COL6A1: variants seen among roughly 807,000 people sequenced by gnomAD.
The protein encoded by COL6A1 is collagen type VI alpha 1 chain.
A neutral mutation model predicts 145.6 loss-of-function variants in COL6A1; 80 were observed. The ratio of observed to expected loss-of-function variants is 0.55; its 90% confidence interval spans 0.46 to 0.66. The LOEUF is 0.66. Among genes scored for constraint, COL6A1 ranks in the 30% least tolerant of loss-of-function variants. COL6A1 has a pLI of 0.00. For missense variants in COL6A1, 1,364 were observed against 1,473.8 expected (o/e 0.93, Z 1.22); for synonymous variants, 638 against 622.8 (o/e 1.02, Z -0.36).
Position 45,994,022 on chromosome 21 carries a change from G to T in COL6A1, c.1336-145G>T. On this transcript the variant is annotated intron_variant, in intron 19 of 34. Coordinates refer to ENST00000361866, the MANE Select transcript of COL6A1 (RefSeq NM_001848.3). This position sits in a 1 kb window ranked among gnomAD's most constrained non-coding sequence, Gnocchi z 6.8. ...CACGTGGGCCGAGGAAACGCTTGGC[G>T]AGGCCAGGAAGGGGCTGTGCGGGGA... 1.2e-6 allele frequency: 1 copy of T among 840,890 alleles called. No homozygotes were observed. The allele number at this position is 840,890 out of a possible 1,614,324, so 52.1% of individuals were successfully genotyped here. A position where few individuals can be genotyped will look rare whatever the true frequency, so the allele number is the denominator to read the frequency against.
intron 6 of COL6A1, 143 bp downstream of exon 6, chr21:45,987,318 C>T (rs1324828795): frequency 2.5e-5 from 38 of 1,496,168 alleles, no homozygotes; most frequent in East Asian, 6.8e-5. Flanking sequence ...CCCGTGTGCC[C>T]GGGATGTGTG....
intron 2 of COL6A1, 120 bp downstream of exon 2, chr21:45,982,883 C>A (rs1009103776): frequency 1.4e-6 from 2 of 1,446,712 alleles, no homozygotes; most frequent in East Asian, 4.6e-5. Context: ...CGAGCGTTGC[C>A]CTGACCGGGG....
chr21:45,984,340 T>C lies in COL6A1; in HGVS notation c.299T>C (p.Ile100Thr). ...CACTACAGTGACGAGGTGGAGATCA[T>C]CCAAGGCCTCACGCGCATGCCTGGC... ...ALHYSDEVEI[I>T]QGLTRMPGGR... is the part of the protein sequence containing the mutation. The change falls in exon 3 of 35, where the codon ATC becomes ACC. Residue 100 changes from isoleucine (I) to threonine (T), a missense_variant. Ile to Thr is a moderately conservative substitution (Grantham distance 89, BLOSUM62 -1). Coordinates refer to ENST00000361866, the MANE Select transcript of COL6A1 (RefSeq NM_001848.3). 6.2e-7 allele frequency: 1 copy of C among 1,612,462 alleles called. No homozygotes were observed. The highest frequency in any genetic ancestry group is 1.1e-5 in the South Asian group (1 of 91,028).
Position 45,994,309 on chromosome 21 carries a change from G to T in COL6A1, c.1398+80G>T, listed in dbSNP as rs1449939284. The T allele has an allele frequency of 1.5e-6, 2 of 1,339,244 alleles. No homozygotes were observed. Among genetic ancestry groups the T allele is most frequent in the African/African-American group, 2.9e-5 (2 of 69,118 alleles). The allele number at this position is 1,339,244 out of a possible 1,614,324, so 83.0% of individuals were successfully genotyped here. On this transcript the variant is annotated intron_variant, in intron 20 of 34. Coordinates refer to ENST00000361866, the MANE Select transcript of COL6A1 (RefSeq NM_001848.3). The surrounding 1 kb of genome is among the most constrained non-coding windows in gnomAD (Gnocchi z 6.8). ...AAGTGCTCCAGCAGCTCACGCACTGGGGGTCTGTTCATTTCCGTTTGAGGG... is the reference window on the plus strand; with the variant it reads ...AAGTGCTCCAGCAGCTCACGCACTGTGGGTCTGTTCATTTCCGTTTGAGGG...
chr21:45,999,520 C>T lies in COL6A1; in HGVS notation c.1741-137C>T, dbSNP rs8130726. 1,331 of 947,746 alleles carry T rather than the reference C, an allele frequency of 1.4e-3. 10 individuals are homozygous for T. In the African/African-American group the frequency reaches 0.017, roughly 12 times the overall value. The allele number at this position is 947,746 out of a possible 1,614,324, so 58.7% of individuals were successfully genotyped here. A position where few individuals can be genotyped will look rare whatever the true frequency, so the allele number is the denominator to read the frequency against. On this transcript the variant is annotated intron_variant, in intron 26 of 34. Transcript: ENST00000361866. ...CCCTCACAGCACCGTCACTGGAGGA[C>T]GAGGGGCTGGGTAGGGAGGGACCGG...
chr21:46,002,082 A>C lies in COL6A1; in HGVS notation c.2066+12A>C, dbSNP rs750935410. 6 of 1,606,046 alleles carry C rather than the reference A, an allele frequency of 3.7e-6. No individual in the cohort carries two copies. The highest frequency in any genetic ancestry group is 3.4e-6 in the Non-Finnish European group (4 of 1,177,522). On this transcript the variant is annotated intron_variant, in intron 31 of 34. Transcript: ENST00000361866. ...CAGGAGCTCAAGGAGTGAGTGCCCC[A>C]CGCGGCCAGGACCCTCCCACCCCTC...
At position 45,994,767 on chromosome 21, in the gene COL6A1, G is replaced by T. The variant is rs2077795687; in HGVS notation, c.1398+538G>T. The stretch of plus-strand genomic sequence containing the variant: ...GGCTTTCTGTCTCTTCCCCCATTCT[G>T]ATGACTGCCATGATGGTGGCTCCAG... On this transcript the variant is annotated intron_variant, in intron 20 of 34. Transcript: ENST00000361866. This position sits in a 1 kb window ranked among gnomAD's most constrained non-coding sequence, Gnocchi z 6.8. Among the ~76,000 whole-genome samples the T allele has an allele frequency of 6.6e-6, 1 of 152,232 alleles. No individual in the cohort carries two copies. The highest frequency in any genetic ancestry group is 2.1e-4 in the South Asian group (1 of 4,832).
intron 8 of COL6A1, among the ~76,000 whole-genome samples, chr21:45,988,465 T>G (rs4991671): frequency 0.69 from 12,669 of 18,414 alleles, 4,701 homozygotes; most frequent in East Asian, 0.8. Context: ...GGAGGGGATG[T>G]CGGGGTCCAG....
intron 29 of COL6A1, 89 bp from the exon 30 acceptor site, chr21:46,001,164 C>A: frequency 6.5e-7 from 1 of 1,541,548 alleles, no homozygotes; most frequent in Non-Finnish European, 8.8e-7. Flanking sequence ...GAGGATGTGG[C>A]AGCCAAGGAG....
intron 3 of COL6A1, among the ~76,000 whole-genome samples, chr21:45,985,451 T>C (rs1022496180): frequency 6.6e-6 from 1 of 151,964 alleles, no homozygotes; most frequent in African/African-American, 2.4e-5. Context: ...ACTGAGAGAC[T>C]GAGAGAGACG....
At chr21:45,992,620 C>A in intron 18 of COL6A1, 128 bp from the exon 19 acceptor site, 1 of 1,073,872 alleles carries the variant, frequency 9.3e-7, no homozygotes. Context: ...GTGGGGCATG[C>A]GGTGGAGGGG....
rs779947824 is a variant in COL6A1, at chr21:45,986,506, C to T, written c.429-20C>T. The stretch of plus-strand genomic sequence containing the variant: ...TCCCCCACCTAGTCTCGAGGTCTCA[C>T]GCTGCCCTCTCCTGTCCAGGGGCTC... On this transcript the variant is annotated intron_variant, in intron 3 of 34. Transcript: ENST00000361866. 2.6e-5 allele frequency: 40 copies of T among 1,552,556 alleles called. No individual in the cohort carries two copies. Among genetic ancestry groups the T allele is most frequent in the South Asian group, 7.1e-5 (6 of 84,170 alleles).
chr21:45,985,389 CAG>C (rs778833212), intron 3 of COL6A1, among the ~76,000 whole-genome samples: 11 of 147,200 alleles, frequency 7.5e-5, no homozygotes, highest in African/African-American at 2.9e-4. Context: ...CAGAGACAGA[CAG>C]AGAGACAGGG....
chr21:45,985,928 C>T (rs1286683585), intron 3 of COL6A1, among the ~76,000 whole-genome samples: 3 of 152,194 alleles, frequency 2.0e-5, no homozygotes, highest in Non-Finnish European at 4.4e-5. Flanking sequence ...CAGAGTGCGG[C>T]CCCCTGTGGA....
intron 29 of COL6A1, 51 bp from the exon 30 acceptor site, chr21:46,001,202 A>G (rs763477488): frequency 6.3e-6 from 10 of 1,586,282 alleles, no homozygotes; most frequent in African/African-American, 5.4e-5. Context: ...GGGAGGGGCC[A>G]GGGCACTGGA....
rs2077793246 is a variant in COL6A1, at chr21:45,994,333, G to A, written c.1398+104G>A. On this transcript the variant is annotated intron_variant, in intron 20 of 34. Transcript: ENST00000361866. This position sits in a 1 kb window ranked among gnomAD's most constrained non-coding sequence, Gnocchi z 6.8. ...GGGGGTCTGTTCATTTCCGTTTGAG[G>A]GCCTCTGTGTTTCCGTAGATCTCGG... The A allele has an allele frequency of 1.7e-6, 2 of 1,150,924 alleles. No individual in the cohort carries two copies. The highest frequency in any genetic ancestry group is 2.6e-6 in the Non-Finnish European group (2 of 783,934). The allele number at this position is 1,150,924 out of a possible 1,614,324, so 71.3% of individuals were successfully genotyped here. A position where few individuals can be genotyped will look rare whatever the true frequency, so the allele number is the denominator to read the frequency against.
In COL6A1 at chr21:45,986,629, G is replaced by C; in HGVS notation, c.532G>C (p.Glu178Gln). ...PCGGLEDAVNEAKHLGVKVFS... is the reference protein window; with the variant it reads ...PCGGLEDAVNQAKHLGVKVFS... ...TGGGGGGCTGGAGGATGCTGTGAACGAGGCCAAGCACCTGGGCGTCAAAGT... is the reference window on the plus strand; with the variant it reads ...TGGGGGGCTGGAGGATGCTGTGAACCAGGCCAAGCACCTGGGCGTCAAAGT... The change falls in exon 4 of 35, where the codon GAG (glutamate) becomes CAG (glutamine). Residue 178 changes from glutamate to glutamine, a missense_variant. Physicochemically the swap from Glu to Gln is conservative, Grantham distance 29 (BLOSUM62 2). This residue lies in a region of COL6A1 where 414 missense variants were observed against 437.6 expected (regional missense o/e 0.95). Transcript: ENST00000361866. The C allele has an allele frequency of 6.4e-7, 1 of 1,554,144 alleles. No homozygotes were observed. The highest frequency in any genetic ancestry group is 8.7e-7 in the Non-Finnish European group (1 of 1,149,008).
intron 3 of COL6A1, among the ~76,000 whole-genome samples, chr21:45,985,166 A>G (rs1259454094): frequency 8.8e-6 from 1 of 113,724 alleles, no homozygotes; most frequent in Non-Finnish European, 2.0e-5. Flanking sequence ...AGAGACAGAA[A>G]CATACAGAGA....
chr21:45,999,471 C>A, intron 26 of COL6A1, 186 bp from the exon 27 acceptor site: 1 of 774,354 alleles, frequency 1.3e-6, no homozygotes, highest in Non-Finnish European at 2.2e-6. Flanking sequence ...CCGCCTGGAC[C>A]ACCAGTGTGC....
Sources: allele counts gnomAD v4.1 joint callset (sites outside exome capture counted in the v4.1 genomes callset), GRCh38; gene constraint gnomAD v4.1.1; regional missense constraint gnomAD v4.1.1; non-coding constraint Gnocchi (gnomAD v3.1); transcripts MANE v1.5; gene names NCBI Gene and HGNC (gene_info 2026-07-23, HGNC 2026-07-21).